The following U2SURP variants were observed in gnomAD, a reference collection of about 807,000 sequenced individuals.
U2SURP encodes the protein U2 snRNP-associated SURP motif-containing protein.
Under a neutral mutation model 144.9 loss-of-function variants are expected in U2SURP, and 9 were observed. That is an observed-to-expected ratio of 0.06 (90% CI 0.04 to 0.11). The LOEUF (loss-of-function observed/expected upper bound fraction) is 0.11. Ranked by LOEUF, U2SURP falls within the 10% of genes least tolerant of loss-of-function variation. The pLI is 1.00. For synonymous variants in U2SURP, 408 were observed against 396.8 expected, an observed-to-expected ratio of 1.03 and a Z score of -0.33; for missense variants, 724 against 1,226.7, an observed-to-expected ratio of 0.59 and a Z score of 6.12.
intron 17 of U2SURP, 98 bp from the exon 18 acceptor site, chr3:143,033,173 G>A (rs1341137635): frequency 1.2e-5 from 10 of 850,940 alleles, no homozygotes; most frequent in Non-Finnish European, 1.8e-5. Flanking sequence ...TGGTGATACT[G>A]AGCTTCATAT....
At chr3:143,037,693 G>A in intron 21 of U2SURP, among the ~76,000 whole-genome samples, 1 of 151,940 alleles carries the variant, frequency 6.6e-6, no homozygotes, top group Non-Finnish European at 1.5e-5. Flanking sequence ...GTTTTTATTA[G>A]TTTTTCTAAC....
chr3:143,056,704 G>A lies in U2SURP; in HGVS notation c.*254G>A, dbSNP rs952466376. 7 of 363,020 alleles carry A rather than the reference G, an allele frequency of 1.9e-5. No individual in the cohort carries two copies. The highest frequency in any genetic ancestry group is 3.5e-5 in the Non-Finnish European group (7 of 198,858). 22.5% of individuals were successfully genotyped at this position (363,020 alleles called of 1,614,324 possible). ...TGTTCTAATGGATTTCATCAGAAAT[G>A]TGTATAATGGATCTGCTGACAGTAG... On this transcript the variant is annotated 3_prime_UTR_variant, in exon 28 of 28. Transcript: ENST00000473835.
At chr3:143,051,663 G>T (rs896667394) in intron 25 of U2SURP, among the ~76,000 whole-genome samples, 3 of 147,914 alleles carry the variant, frequency 2.0e-5, no homozygotes, top group East Asian at 2.0e-4. Context: ...AGTGAAATAG[G>T]AAAGAGCCAT....
chr3:143,012,064 C>CT (rs1378087268), intron 2 of U2SURP, 158 bp from the exon 3 acceptor site: 1 of 967,840 alleles, frequency 1.0e-6, no homozygotes, highest in Middle Eastern at 2.1e-4. Context: ...TTCTTAAGAA[C>CT]TTTTTTGGTG....
chr3:143,051,929 G>T (rs1308258521), intron 25 of U2SURP, among the ~76,000 whole-genome samples: 2 of 152,024 alleles, frequency 1.3e-5, no homozygotes, highest in Non-Finnish European at 2.9e-5. Flanking sequence ...TAGCTATACG[G>T]TTCCTATAAA....
chr3:143,021,621 C>A (rs932854584), intron 10 of U2SURP, 66 bp downstream of exon 10: 15 of 1,428,366 alleles, frequency 1.1e-5, no homozygotes, highest in South Asian at 1.0e-4. Flanking sequence ...CTTTGTTAGT[C>A]AAAAAAAATC....
intron 18 of U2SURP, 137 bp from the exon 19 acceptor site, chr3:143,034,749 AAC>A: frequency 5.0e-6 from 3 of 605,760 alleles, no homozygotes; most frequent in Non-Finnish European, 8.6e-6. Flanking sequence ...TTAGAGTTTA[AAC>A]ACCTAGTTTT....
Position 143,014,426 on chromosome 3 carries a change from A to G in U2SURP, c.321+17A>G, listed in dbSNP as rs761109095. The G allele has an allele frequency of 2.6e-6, 4 of 1,523,348 alleles. No individual in the cohort carries two copies. The highest frequency in any genetic ancestry group is 2.3e-5 in the South Asian group (2 of 85,890). 94.4% of individuals were successfully genotyped at this position (1,523,348 alleles called of 1,614,324 possible). Reference sequence around the variant, plus strand: ...AAGAAAAAGGTAATGTTGAAAATGTATTTTGAATTATCCTTGGAAATGAAT... The same window carrying G: ...AAGAAAAAGGTAATGTTGAAAATGTGTTTTGAATTATCCTTGGAAATGAAT... On this transcript the variant is annotated intron_variant, in intron 4 of 27. Transcript: ENST00000473835.
chr3:143,012,848 GCT>G (rs1321088421), intron 3 of U2SURP, among the ~76,000 whole-genome samples: 1 of 152,002 alleles, frequency 6.6e-6, no homozygotes, highest in East Asian at 1.9e-4. Flanking sequence ...GTGCTCTCAG[GCT>G]CTTTTAGACT....
intron 14 of U2SURP, among the ~76,000 whole-genome samples, chr3:143,027,937 G>C (rs951325480): frequency 9.2e-5 from 14 of 152,170 alleles, no homozygotes; most frequent in Admixed American, 2.0e-4. Flanking sequence ...TTGAACAAAT[G>C]AGTTTTAAAA....
rs1935280768 is a variant in U2SURP, at chr3:143,059,289, C to T, written c.*2839C>T. 1 of 152,344 alleles carries T rather than the reference C, an allele frequency of 6.6e-6. No individual in the cohort carries two copies. The highest frequency in any genetic ancestry group is 1.5e-5 in the Non-Finnish European group (1 of 67,836). The allele number at this position is 152,344 out of a possible 1,614,324, so 9.4% of individuals were successfully genotyped here. Reference sequence around the variant, plus strand: ...GCTAAAGATGGCAGAAATTACTCTACACAGACCTGATTTTTCTTTATTGCA... The same window carrying T: ...GCTAAAGATGGCAGAAATTACTCTATACAGACCTGATTTTTCTTTATTGCA... On this transcript the variant is annotated 3_prime_UTR_variant, in exon 28 of 28. Coordinates refer to ENST00000473835, the MANE Select transcript of U2SURP (RefSeq NM_001080415.2).
intron 24 of U2SURP, among the ~76,000 whole-genome samples, chr3:143,049,496 CCTCTTT>C (rs1433872632): frequency 6.6e-5 from 10 of 152,096 alleles, no homozygotes; most frequent in Admixed American, 5.9e-4. Context: ...AAGAATGCTT[CCTCTTT>C]CTCTTTGAGT....
In U2SURP at chr3:143,056,852, T is replaced by G. The variant is rs1041852538; in HGVS notation, c.*402T>G. ...ATCTGAACAGAAAACTATAATGTTG[T>G]TTTTTTGCCCCACCGGTGATATTAA... On this transcript the variant is annotated 3_prime_UTR_variant, in exon 28 of 28. Transcript: ENST00000473835. The G allele has an allele frequency of 5.6e-6, 1 of 177,124 alleles. No homozygotes were observed. Among genetic ancestry groups the G allele is most frequent in the Admixed American group, 5.5e-5 (1 of 18,162 alleles). The allele number at this position is 177,124 out of a possible 1,614,324, so 11.0% of individuals were successfully genotyped here.
intron 25 of U2SURP, among the ~76,000 whole-genome samples, chr3:143,052,428 A>G (rs1458002286): frequency 2.0e-5 from 3 of 152,066 alleles, no homozygotes; most frequent in African/African-American, 7.2e-5. Context: ...ACTTACCTAT[A>G]CCCCATAGGA....
chr3:143,019,535 G>A (rs1278556038), intron 6 of U2SURP, among the ~76,000 whole-genome samples: 1 of 152,212 alleles, frequency 6.6e-6, no homozygotes, highest in Admixed American at 6.5e-5. Context: ...TTGTTGAAAA[G>A]ATTATTCTTC....
At chr3:143,014,847 A>G (rs752441484) in intron 4 of U2SURP, among the ~76,000 whole-genome samples, 2 of 151,806 alleles carry the variant, frequency 1.3e-5, no homozygotes, top group African/African-American at 2.4e-5. Context: ...TTATTCAACT[A>G]AAATTCTATC....
At chr3:143,053,618 G>T in intron 25 of U2SURP, 58 bp from the exon 26 acceptor site, 2 of 1,019,464 alleles carry the variant, frequency 2.0e-6, no homozygotes, top group Non-Finnish European at 1.4e-6. Flanking sequence ...TTCTATAAAT[G>T]AGATTAACCC....
At chr3:143,009,982 C>T (rs1936038846) in intron 1 of U2SURP, among the ~76,000 whole-genome samples, 1 of 152,184 alleles carries the variant, frequency 6.6e-6, no homozygotes, top group Non-Finnish European at 1.5e-5. Flanking sequence ...TAAAATTTCA[C>T]TACCGTATAC....
chr3:143,019,416 T>C (rs1221578030), intron 6 of U2SURP, among the ~76,000 whole-genome samples: 2 of 152,218 alleles, frequency 1.3e-5, no homozygotes, highest in South Asian at 2.1e-4. Flanking sequence ...CTCTTACTTT[T>C]ATGTCCATGA....
Sources: gnomAD v4.1 joint callset for allele counts (sites outside exome capture counted in the v4.1 genomes callset) on GRCh38, gnomAD v4.1.1 for gene constraint, MANE v1.5 for transcripts, NCBI Gene and HGNC (gene_info 2026-07-23, HGNC 2026-07-21) for gene names.